INTS12: variants seen among roughly 807,000 people sequenced by gnomAD.
The protein encoded by INTS12 is integrator complex subunit 12, also known as PHD finger protein 22.
Under a neutral mutation model 41.6 loss-of-function variants are expected in INTS12, and 13 were observed. The ratio of observed to expected loss-of-function variants is 0.31; its 90% CI spans 0.20 to 0.50. The LOEUF (loss-of-function observed/expected upper bound fraction) is 0.50. INTS12 is among the 20% of genes least tolerant of loss of function. The pLI is 0.98. For missense variants in INTS12, 432 were observed against 541.6 expected, an observed-to-expected ratio of 0.80 and a Z score of 2.01; for synonymous variants, 199 against 191.4, an observed-to-expected ratio of 1.04 and a Z score of -0.33.
intron 2 of INTS12, chr4:105,702,843 T>A: frequency 1.0e-6 from 1 of 954,934 alleles, no homozygotes; most frequent in Non-Finnish European, 1.2e-6. Context: ...AAAACACTTA[T>A]GGTTATGTGG....
rs375236716 is a variant in INTS12, at chr4:105,686,815, C to T, written c.681G>A (p.Pro227=). The T allele has an allele frequency of 1.3e-4, 204 of 1,613,496 alleles. 1 individual carries two copies. Among genetic ancestry groups the T allele is most frequent in the Admixed American group, 3.2e-4 (19 of 59,956 alleles). The change falls in exon 7 of 8, where the codon CCG becomes CCA. Residue 227 remains proline, a synonymous_variant. Coordinates refer to ENST00000340139, the MANE Select transcript of INTS12 (RefSeq NM_020395.4). The stretch of plus-strand genomic sequence containing the variant: ...AAACAACTGCAGGGGCTGGTTTCTG[C>T]GGTGGTTTCTGAGTTTTTTGAGCCT... ...KRMAQKTQKP[P]QKPAPAVVSV...
chr4:105,693,244 G>A (rs1731748540), intron 5 of INTS12, 55 bp downstream of exon 5: 1 of 1,369,492 alleles, frequency 7.3e-7, no homozygotes, highest in Non-Finnish European at 9.8e-7. Flanking sequence ...GGAGTGGAAA[G>A]GGTCATGTGT....
chr4:105,694,412 G>A (rs747736204), intron 4 of INTS12, among the ~76,000 whole-genome samples: 23 of 152,154 alleles, frequency 1.5e-4, no homozygotes, highest in African/African-American at 2.9e-4. Flanking sequence ...TGTAACCTCC[G>A]CCTGCTGGGT....
At chr4:105,699,790 A>T in intron 3 of INTS12, 60 bp downstream of exon 3, 1 of 1,159,676 alleles carries the variant, frequency 8.6e-7, no homozygotes, top group Non-Finnish European at 1.2e-6. Context: ...TCTATATGTT[A>T]TCAATGTAGT....
chr4:105,703,413 C>T (rs192295280), intron 2 of INTS12, among the ~76,000 whole-genome samples: 93 of 152,232 alleles, frequency 6.1e-4, no homozygotes, highest in African/African-American at 2.2e-3. Context: ...ACAAAAATCG[C>T]CATTACTGAA....
chr4:105,699,999 C>G lies in INTS12; in HGVS notation c.7G>C (p.Ala3Pro). The G allele has an allele frequency of 2.7e-6, 4 of 1,500,572 alleles. No homozygotes were observed. The highest frequency in any genetic ancestry group is 1.4e-5 in the South Asian group (1 of 72,902). 93.0% of individuals were successfully genotyped at this position (1,500,572 alleles called of 1,614,324 possible). Reference protein sequence around the residue: MAATVNLELDPIF... With the variant: MAPTVNLELDPIF... ...GGATCAAGTTCCAAGTTCACAGTAG[C>G]AGCCATTGCAAACGCCTGAAGGAAA... Residue 3 changes from alanine to proline, a missense_variant, in exon 3 of 8, where the codon GCT becomes CCT. By Grantham distance (27) the Ala-to-Pro change is conservative. Around this residue, in one of 3 missense-constraint regions of INTS12, gnomAD observed 168 missense variants for 198.9 expected, o/e 0.84. Transcript: ENST00000340139.
At chr4:105,695,727 GATC>G in intron 3 of INTS12, 59 bp from the exon 4 acceptor site, 1 of 1,326,756 alleles carries the variant, frequency 7.5e-7, no homozygotes, top group Non-Finnish European at 1.1e-6. Flanking sequence ...CATAAAAAAA[GATC>G]ATTAATATAA....
rs1173558198 is a variant in INTS12 at position 105,703,686 on chromosome 4, A to T, written c.-48T>A. On this transcript the variant is annotated 5_prime_UTR_variant, in exon 2 of 8. Coordinates refer to ENST00000340139, the MANE Select transcript of INTS12 (RefSeq NM_020395.4). ...AATCACCATTCTCAGCTTGGCGTTC[A>T]GTACAACTTGGCAATTCTCTCATCC... 2 of 152,280 alleles carry T rather than the reference A, an allele frequency of 1.3e-5. No homozygotes were observed. The highest frequency in any genetic ancestry group is 2.9e-5 in the Non-Finnish European group (2 of 68,074). The allele number at this position is 152,280 out of a possible 1,614,324, so 9.4% of individuals were successfully genotyped here.
intron 4 of INTS12, among the ~76,000 whole-genome samples, chr4:105,693,748 T>C (rs1050471383): frequency 5.3e-5 from 8 of 152,224 alleles, no homozygotes; most frequent in African/African-American, 1.7e-4. Flanking sequence ...TGTACTCTTC[T>C]ATCTACTAAA....
At chr4:105,708,372 C>T in intron 1 of INTS12, 2 of 985,460 alleles carry the variant, frequency 2.0e-6, no homozygotes, top group Non-Finnish European at 2.4e-6. Flanking sequence ...CCGACAAAGT[C>T]CGAGGCAGGA....
intron 6 of INTS12, among the ~76,000 whole-genome samples, chr4:105,691,455 G>A (rs1272832308): frequency 6.6e-6 from 1 of 152,136 alleles, no homozygotes; most frequent in African/African-American, 2.4e-5. Context: ...AAGTACATAG[G>A]AAGAATGAGG....
rs77908234 is a variant in INTS12, at chr4:105,684,302, T to C, written c.805-985A>G. ...TTGAATTGAACTTCTTATTGACACC[T>C]TTTCTACCTTTATACTCTTAAGAAG... On this transcript the variant is annotated intron_variant, in intron 7 of 7. Transcript: ENST00000340139. 8.3e-3 allele frequency among the ~76,000 whole-genome samples: 1,266 copies of C among 152,238 alleles called. 10 individuals are homozygous for C. The highest frequency in any genetic ancestry group is 0.027 in the Middle Eastern group (8 of 294).
chr4:105,695,103 A>AT (rs1392427280), intron 4 of INTS12, among the ~76,000 whole-genome samples: 1 of 142,274 alleles, frequency 7.0e-6, no homozygotes, highest in Non-Finnish European at 1.5e-5. Context: ...TGATTTTTGT[A>AT]TTTTTTGTAG....
intron 1 of INTS12, chr4:105,708,140 T>C (rs573365059): frequency 2.0e-6 from 2 of 985,412 alleles, no homozygotes; most frequent in East Asian, 2.3e-4. Flanking sequence ...TGGTTCTGGA[T>C]AACACTGATA....
At chr4:105,688,617 C>T (rs1229786748) in intron 6 of INTS12, among the ~76,000 whole-genome samples, 5 of 152,140 alleles carry the variant, frequency 3.3e-5, no homozygotes, top group African/African-American at 9.7e-5. Context: ...AACCATGTTA[C>T]GAGAATGCAT....
chr4:105,690,124 T>C (rs1226413151), intron 6 of INTS12, among the ~76,000 whole-genome samples: 1 of 152,208 alleles, frequency 6.6e-6, no homozygotes, highest in Admixed American at 6.5e-5. Flanking sequence ...ATGAAAGTTC[T>C]CCACATATTC....
chr4:105,684,833 C>T (rs1731448755), intron 7 of INTS12, among the ~76,000 whole-genome samples: 1 of 151,984 alleles, frequency 6.6e-6, no homozygotes, highest in South Asian at 2.1e-4. Context: ...GTTAAATGAT[C>T]TTTCAAAAAA....
chr4:105,685,839 G>C (rs1441764819), intron 7 of INTS12, among the ~76,000 whole-genome samples: 1 of 152,064 alleles, frequency 6.6e-6, no homozygotes, highest in Non-Finnish European at 1.5e-5. Context: ...GCAAACTTAG[G>C]AATGAGAAAG....
At chr4:105,693,032 A>C (rs1384475894) in intron 5 of INTS12, among the ~76,000 whole-genome samples, 1 of 152,224 alleles carries the variant, frequency 6.6e-6, no homozygotes, top group Admixed American at 6.5e-5. Flanking sequence ...TATAATAATC[A>C]CTTTCCCTCT....
Sources: gnomAD v4.1 joint callset for allele counts (sites outside exome capture counted in the v4.1 genomes callset) on GRCh38, gnomAD v4.1.1 for gene constraint, gnomAD v4.1.1 regional missense constraint, MANE v1.5 for transcripts, NCBI Gene and HGNC (gene_info 2026-07-23, HGNC 2026-07-21) for gene names.